The following ANKMY2 variants were observed in gnomAD, a reference collection of about 807,000 sequenced individuals.
ANKMY2 encodes ankyrin repeat and MYND domain-containing protein 2.
Under a neutral mutation model 50.4 loss-of-function variants are expected in ANKMY2, and 36 were observed. That is an observed-to-expected ratio of 0.71 (90% CI 0.55 to 0.94). The LOEUF (loss-of-function observed/expected upper bound fraction) is 0.94. ANKMY2 is among the 40% of genes least tolerant of loss of function. The pLI is 0.00. For synonymous variants in ANKMY2, 187 were observed against 178.8 expected (o/e 1.05, Z -0.36); for missense variants, 565 against 524.0 (o/e 1.08, Z -0.76).
intron 1 of ANKMY2, among the ~76,000 whole-genome samples, chr7:16,641,576 A>G (rs1472398048): frequency 1.3e-5 from 2 of 152,196 alleles, no homozygotes; most frequent in East Asian, 3.8e-4. Context: ...TAAAGACACC[A>G]GAAGTATTAT....
At chr7:16,641,347 T>A (rs780474100) in intron 1 of ANKMY2, among the ~76,000 whole-genome samples, 1 of 152,224 alleles carries the variant, frequency 6.6e-6, no homozygotes, top group Non-Finnish European at 1.5e-5. Flanking sequence ...TATCTATTTT[T>A]AGACTTTGTA....
At chr7:16,610,938 G>T (rs1562768700) in intron 5 of ANKMY2, among the ~76,000 whole-genome samples, 175 bp from the exon 6 acceptor site, 1 of 152,152 alleles carries the variant, frequency 6.6e-6, no homozygotes, top group Non-Finnish European at 1.5e-5. Flanking sequence ...AACTAATATA[G>T]AAAGACCCTG....
intron 5 of ANKMY2, among the ~76,000 whole-genome samples, 155 bp downstream of exon 5, chr7:16,615,589 T>C (rs1241564748): frequency 6.6e-6 from 1 of 152,108 alleles, no homozygotes; most frequent in East Asian, 1.9e-4. Flanking sequence ...CAACGGAGAG[T>C]GTTCCTTCAA....
chr7:16,626,631 G>A (rs1781510431), intron 3 of ANKMY2, among the ~76,000 whole-genome samples: 1 of 152,160 alleles, frequency 6.6e-6, no homozygotes, highest in Admixed American at 6.5e-5. Context: ...AGTTTCTAAA[G>A]GGATCATCAT....
At chr7:16,611,096 T>G (rs1396578869) in intron 5 of ANKMY2, among the ~76,000 whole-genome samples, 1 of 152,158 alleles carries the variant, frequency 6.6e-6, no homozygotes, top group Non-Finnish European at 1.5e-5. Flanking sequence ...CATGACAAAT[T>G]TGTACATTTT....
intron 5 of ANKMY2, among the ~76,000 whole-genome samples, chr7:16,613,977 A>T (rs961765314): frequency 6.6e-6 from 1 of 152,180 alleles, no homozygotes; most frequent in Non-Finnish European, 1.5e-5. Flanking sequence ...AGAGGCAGAA[A>T]CATAGATATG....
intron 2 of ANKMY2, among the ~76,000 whole-genome samples, chr7:16,635,038 G>C (rs1781636460): frequency 1.3e-5 from 2 of 152,192 alleles, no homozygotes; most frequent in South Asian, 4.1e-4. Flanking sequence ...AAAAACAGAT[G>C]TCCATACCAA....
At chr7:16,617,066 A>C (rs936756545) in intron 4 of ANKMY2, among the ~76,000 whole-genome samples, 2 of 146,582 alleles carry the variant, frequency 1.4e-5, no homozygotes, top group Non-Finnish European at 1.5e-5. Flanking sequence ...TTTTGATGAG[A>C]CATTTTAGAA....
chr7:16,600,638 T>C lies in ANKMY2; in HGVS notation c.*123A>G. On this transcript the variant is annotated 3_prime_UTR_variant, in exon 10 of 10. Coordinates refer to ENST00000306999, the MANE Select transcript of ANKMY2 (RefSeq NM_020319.3). ...GGGGTTTGCTTGAAAACCTGTATTC[T>C]ATGAAATGTGGAATCCTGCCATGGT... is the stretch of plus-strand genomic sequence containing the variant. 1 of 783,250 alleles carries C rather than the reference T, an allele frequency of 1.3e-6. No individual in the cohort carries two copies. 48.5% of individuals were successfully genotyped at this position (783,250 alleles called of 1,614,324 possible). A position where few individuals can be genotyped will look rare whatever the true frequency, so the allele number is the denominator to read the frequency against.
intron 4 of ANKMY2, among the ~76,000 whole-genome samples, chr7:16,617,193 A>G (rs1180112346): frequency 6.6e-6 from 1 of 152,024 alleles, no homozygotes; most frequent in African/African-American, 2.4e-5. Flanking sequence ...ACATTTCTAA[A>G]TTTCCCCACA....
chr7:16,619,842 A>C (rs1226323631), intron 4 of ANKMY2, among the ~76,000 whole-genome samples: 1 of 152,174 alleles, frequency 6.6e-6, no homozygotes, highest in East Asian at 1.9e-4. Context: ...CACACATACA[A>C]CAAGACGTAT....
chr7:16,604,927 C>A, intron 7 of ANKMY2, 78 bp from the exon 8 acceptor site: 2 of 1,370,932 alleles, frequency 1.5e-6, no homozygotes, highest in South Asian at 1.7e-5. Flanking sequence ...AGCCCACGGA[C>A]ACTGCCGTCC....
chr7:16,613,211 C>T (rs927109186), intron 5 of ANKMY2, among the ~76,000 whole-genome samples: 15 of 152,282 alleles, frequency 9.9e-5, no homozygotes, highest in East Asian at 1.9e-4. Context: ...CTTATTGCTA[C>T]GGCAGCCACT....
chr7:16,642,298 G>T (rs1040478627), intron 1 of ANKMY2, among the ~76,000 whole-genome samples: 12 of 152,164 alleles, frequency 7.9e-5, no homozygotes, highest in African/African-American at 2.9e-4. Context: ...AAGCTTAGAA[G>T]AATGGGTAAC....
chr7:16,639,560 A>G (rs1781718620), intron 1 of ANKMY2, among the ~76,000 whole-genome samples: 1 of 152,186 alleles, frequency 6.6e-6, no homozygotes. Context: ...GAGAGAAAAG[A>G]TTATGTACAT....
chr7:16,626,694 G>A (rs1379192800), intron 3 of ANKMY2, among the ~76,000 whole-genome samples: 3 of 152,156 alleles, frequency 2.0e-5, no homozygotes, highest in African/African-American at 7.2e-5. Context: ...CATGGCAACT[G>A]TTTGATCAAG....
chr7:16,625,209 T>G (rs1240507471), intron 3 of ANKMY2, 128 bp from the exon 4 acceptor site: 4 of 609,680 alleles, frequency 6.6e-6, no homozygotes, highest in Admixed American at 6.4e-5. Flanking sequence ...ATATTTTCAT[T>G]CTTTTAAAAC....
chr7:16,632,443 T>C lies in ANKMY2; in HGVS notation c.132+3948A>G, dbSNP rs1476071893. Among the ~76,000 whole-genome samples, 9 of 152,274 alleles carry C rather than the reference T, an allele frequency of 5.9e-5. No homozygotes were observed. The East Asian group carries it at 1.4e-3, about 23-fold the overall frequency. ...TTACTCAGCCCCAGTCATCCACTAA[T>C]TTACTTTCTGTTCCTATGAATTTGC... On this transcript the variant is annotated intron_variant, in intron 2 of 9. Coordinates refer to ENST00000306999, the MANE Select transcript of ANKMY2 (RefSeq NM_020319.3).
chr7:16,628,330 G>A (rs1410078004), intron 2 of ANKMY2, among the ~76,000 whole-genome samples: 2 of 152,172 alleles, frequency 1.3e-5, no homozygotes, highest in African/African-American at 4.8e-5. Context: ...TACACACTAT[G>A]TTCAGAGGGT....
Sources: gnomAD v4.1 joint callset for allele counts (sites outside exome capture counted in the v4.1 genomes callset) on GRCh38, gnomAD v4.1.1 for gene constraint, MANE v1.5 for transcripts, NCBI Gene and HGNC (gene_info 2026-07-23, HGNC 2026-07-21) for gene names.